HLCS: variants seen among roughly 807,000 people sequenced by gnomAD.
HLCS encodes the protein holocarboxylase synthetase.
Under a neutral mutation model 75.0 loss-of-function variants are expected in HLCS, and 53 were observed. The ratio of observed to expected loss-of-function variants is 0.71; its 90% CI spans 0.57 to 0.89. HLCS has a LOEUF of 0.89. Among genes scored for constraint, HLCS ranks in the 40% least tolerant of loss-of-function variants. The probability of loss-of-function intolerance (pLI) is 0.00; values close to 1 mark genes in which losing one functional copy is unlikely to be tolerated. For missense variants in HLCS, 966 were observed against 1,074.0 expected (o/e 0.90, Z 1.41); for synonymous variants, 431 against 428.6 (o/e 1.01, Z -0.07).
At chr21:36,866,381 G>A (rs941047442) in intron 6 of HLCS, among the ~76,000 whole-genome samples, 1 of 152,164 alleles carries the variant, frequency 6.6e-6, no homozygotes, top group Admixed American at 6.5e-5. Context: ...TTATAATTAG[G>A]GAAATAGCCA....
chr21:36,890,596 G>A (rs1199124835), intron 6 of HLCS, among the ~76,000 whole-genome samples: 1 of 151,980 alleles, frequency 6.6e-6, no homozygotes, highest in Non-Finnish European at 1.5e-5. Context: ...GAAGGCGGTG[G>A]GGGGTTCATG....
intron 5 of HLCS, among the ~76,000 whole-genome samples, chr21:36,898,361 G>A (rs943742052): frequency 3.5e-5 from 5 of 141,092 alleles, no homozygotes; most frequent in African/African-American, 1.4e-4. Flanking sequence ...CAGGAGAATC[G>A]CTTGAACCTG....
At position 36,847,087 on chromosome 21, in the gene HLCS, C is replaced by A. The variant is rs370434241; in HGVS notation, c.1892+49773G>T. On this transcript the variant is annotated intron_variant, in intron 6 of 10. Transcript: ENST00000674895. The stretch of plus-strand genomic sequence containing the variant: ...CTTTTGTAAATAGAGATGTTAGAAA[C>A]GCCACCACAGCCACAATATAAAATG... 2.0e-4 allele frequency among the ~76,000 whole-genome samples: 30 copies of A among 152,294 alleles called. 1 individual carries two copies. Among genetic ancestry groups the A allele is most frequent in the African/African-American group, 6.3e-4 (26 of 41,538 alleles).
chr21:36,754,440 G>T, intron 10 of HLCS, 23 bp from the exon 11 acceptor site: 2 of 1,606,190 alleles, frequency 1.2e-6, no homozygotes, highest in African/African-American at 2.7e-5. Flanking sequence ...AACAGCGTGC[G>T]GTCACTGGGA....
intron 2 of HLCS, among the ~76,000 whole-genome samples, chr21:36,948,762 T>C (rs1489792148): frequency 9.6e-6 from 1 of 104,574 alleles, no homozygotes; most frequent in Non-Finnish European, 1.9e-5. Context: ...AAAGACAATA[T>C]ACCCTATGGC....
intron 6 of HLCS, among the ~76,000 whole-genome samples, chr21:36,841,775 C>A (rs1054590406): frequency 1.3e-5 from 2 of 152,222 alleles, no homozygotes; most frequent in African/African-American, 2.4e-5. Context: ...ACTGGCTGGG[C>A]TCTGTTCTGC....
At chr21:36,871,536 C>G (rs186029118) in intron 6 of HLCS, among the ~76,000 whole-genome samples, 1 of 152,196 alleles carries the variant, frequency 6.6e-6, no homozygotes, top group African/African-American at 2.4e-5. Context: ...CTACCAAAAA[C>G]GCTACGAAAA....
intron 6 of HLCS, among the ~76,000 whole-genome samples, chr21:36,840,248 A>G (rs2062569177): frequency 6.6e-6 from 1 of 152,200 alleles, no homozygotes; most frequent in Admixed American, 6.5e-5. Flanking sequence ...ACTATTCCTA[A>G]ATACAAAAAT....
At chr21:36,946,817 C>T (rs910343891) in intron 2 of HLCS, among the ~76,000 whole-genome samples, 1 of 152,154 alleles carries the variant, frequency 6.6e-6, no homozygotes, top group South Asian at 2.1e-4. Context: ...GACACACAGC[C>T]AAGGGAAGCA....
chr21:36,933,676 G>A (rs992277323), intron 4 of HLCS, among the ~76,000 whole-genome samples: 6 of 151,274 alleles, frequency 4.0e-5, no homozygotes, highest in Non-Finnish European at 7.4e-5. Context: ...GGCGAGACCC[G>A]TTTAATTCAC....
chr21:36,928,802 C>CTAA, intron 5 of HLCS, among the ~76,000 whole-genome samples: 1 of 152,090 alleles, frequency 6.6e-6, no homozygotes, highest in East Asian at 1.9e-4. Context: ...TAATAAGGGG[C>CTAA]TTAGTAGGGA....
intron 6 of HLCS, among the ~76,000 whole-genome samples, chr21:36,894,713 A>G (rs1403900425): frequency 1.3e-5 from 2 of 152,194 alleles, no homozygotes; most frequent in Non-Finnish European, 2.9e-5. Flanking sequence ...CACCCTCAGA[A>G]AGGCCAAAAT....
At chr21:36,847,686 C>G (rs1356248523) in intron 6 of HLCS, among the ~76,000 whole-genome samples, 1 of 152,188 alleles carries the variant, frequency 6.6e-6, no homozygotes, top group African/African-American at 2.4e-5. Flanking sequence ...AGAGGATTTT[C>G]TTGCTGATAT....
chr21:36,877,901 C>T (rs1452122718), intron 6 of HLCS, among the ~76,000 whole-genome samples: 4 of 152,062 alleles, frequency 2.6e-5, no homozygotes, highest in African/African-American at 9.7e-5. Context: ...AATATTGTTC[C>T]ACTCTCTTCT....
intron 4 of HLCS, 90 bp from the exon 5 acceptor site, chr21:36,930,523 A>T: frequency 8.9e-7 from 1 of 1,118,360 alleles, no homozygotes; most frequent in Non-Finnish European, 1.3e-6. Context: ...TTTTTTTTTA[A>T]ATTTAGAGAC....
At chr21:36,802,431 G>A (rs1344385714) in intron 6 of HLCS, among the ~76,000 whole-genome samples, 1 of 152,228 alleles carries the variant, frequency 6.6e-6, no homozygotes, top group Non-Finnish European at 1.5e-5. Flanking sequence ...TCTCTCCGTG[G>A]ACAATTAACA....
intron 2 of HLCS, among the ~76,000 whole-genome samples, chr21:36,954,233 G>A (rs2067810239): frequency 6.6e-6 from 1 of 152,006 alleles, no homozygotes; most frequent in Non-Finnish European, 1.5e-5. Context: ...TTGAACCCGG[G>A]AGGCAGAGGT....
At chr21:36,838,872 G>C (rs770946623) in intron 6 of HLCS, among the ~76,000 whole-genome samples, 1 of 152,214 alleles carries the variant, frequency 6.6e-6, no homozygotes, top group Non-Finnish European at 1.5e-5. Context: ...CTCCCCTGGA[G>C]CCTCCAGAGG....
At chr21:36,852,237 C>T (rs2835495) in intron 6 of HLCS, among the ~76,000 whole-genome samples, 73,589 of 152,166 alleles carry the variant, frequency 0.48, 19,114 homozygotes, top group African/African-American at 0.68. Context: ...TTTTTCTAAG[C>T]GTCTCTCTAA....
Sources: gnomAD v4.1 joint callset for allele counts (sites outside exome capture counted in the v4.1 genomes callset) on GRCh38, gnomAD v4.1.1 for gene constraint, MANE v1.5 for transcripts, NCBI Gene and HGNC (gene_info 2026-07-23, HGNC 2026-07-21) for gene names.